The following BTD variants were observed in gnomAD, a reference collection of about 807,000 sequenced individuals.
The protein encoded by BTD is biotinidase, also known as biocytinase.
A neutral mutation model predicts 17.7 loss-of-function variants in BTD; 13 were observed. The observed-to-expected ratio is 0.74, with a 90% CI of 0.48 to 1.17. The LOEUF is 1.17. Ranked by LOEUF, BTD falls within the 50% of genes most tolerant of loss-of-function variation. The pLI, the probability that BTD is intolerant of heterozygous loss-of-function variation, is 0.00. For synonymous variants in BTD, 240 were observed against 245.2 expected, an observed-to-expected ratio of 0.98 and a Z score of 0.20; for missense variants, 674 against 650.4, an observed-to-expected ratio of 1.04 and a Z score of -0.39.
At chr3:15,687,797 A>G (rs886794026) in intron 3 of BTD, among the ~76,000 whole-genome samples, 6 of 152,162 alleles carry the variant, frequency 3.9e-5, no homozygotes, top group Non-Finnish European at 8.8e-5. Flanking sequence ...TTCAAGAAGA[A>G]CTTGTTTGGC....
At chr3:15,683,299 A>C (rs1280992351) in intron 3 of BTD, among the ~76,000 whole-genome samples, 3 of 152,198 alleles carry the variant, frequency 2.0e-5, no homozygotes, top group African/African-American at 7.2e-5. Context: ...CCACTATATT[A>C]GATATTTTGG....
chr3:15,679,526 T>C (rs2067299842), intron 3 of BTD: 1 of 1,613,400 alleles, frequency 6.2e-7, no homozygotes, highest in Admixed American at 1.7e-5. Flanking sequence ...TCTGGAAAAC[T>C]TCCTGTTCTA....
At chr3:15,695,733 T>C (rs1238083595) in intron 3 of BTD, among the ~76,000 whole-genome samples, 1 of 152,060 alleles carries the variant, frequency 6.6e-6, no homozygotes, top group Non-Finnish European at 1.5e-5. Flanking sequence ...TCTCCCTTGT[T>C]AGGAGGGGTT....
downstream of BTD, chr3:15,714,608 A>C (rs753157220): frequency 6.3e-7 from 1 of 1,598,898 alleles, no homozygotes; most frequent in Admixed American, 1.8e-5. Context: ...GATCGGGAGA[A>C]TCTACCGTGG....
At chr3:15,605,593 A>G (rs779537156) in intron 1 of BTD, among the ~76,000 whole-genome samples, 19 of 152,202 alleles carry the variant, frequency 1.2e-4, no homozygotes, top group Non-Finnish European at 1.6e-4. Flanking sequence ...TTAAAATGAC[A>G]TTTATTGAGA....
Position 15,641,941 on chromosome 3 carries a change from A to G in BTD, c.283A>G (p.Ile95Val), listed in dbSNP as rs1351648303. Residue 95 changes from isoleucine to valine, a missense_variant, in exon 3 of 4, where the codon ATT (isoleucine) becomes GTT (valine). Physicochemically the swap from Ile to Val is conservative, Grantham distance 29. Coordinates refer to ENST00000643237, the MANE Select transcript of BTD (RefSeq NM_001370658.1). ...VQIIVFPEDG[I>V]HGFNFTRTSI... is the part of the protein sequence containing the mutation. ...GATTATAGTGTTTCCAGAAGATGGCATTCATGGATTCAACTTTACAAGAAC... is the reference window on the plus strand; with the variant it reads ...GATTATAGTGTTTCCAGAAGATGGCGTTCATGGATTCAACTTTACAAGAAC... 2 of 1,613,782 alleles carry G rather than the reference A, an allele frequency of 1.2e-6. No homozygotes were observed. Among genetic ancestry groups the G allele is most frequent in the Non-Finnish European group, 1.7e-6 (2 of 1,179,774 alleles).
chr3:15,704,233 ATGAC>A (rs2071036975), intron 3 of BTD, among the ~76,000 whole-genome samples: 1 of 152,120 alleles, frequency 6.6e-6, no homozygotes. Context: ...GACTTGCTGA[ATGAC>A]TGTCTACCAA....
intron 2 of BTD, among the ~76,000 whole-genome samples, chr3:15,640,953 C>T (rs1326701194): frequency 6.6e-6 from 1 of 152,150 alleles, no homozygotes; most frequent in Non-Finnish European, 1.5e-5. Context: ...GTGTCTCAAA[C>T]TTTGCTAATT....
At chr3:15,626,780 C>CAAAAAA (rs374875165) in intron 1 of BTD, among the ~76,000 whole-genome samples, 8 of 94,878 alleles carry the variant, frequency 8.4e-5, no homozygotes, top group East Asian at 3.2e-4. Flanking sequence ...GACCCTGTCT[C>CAAAAAA]AAAAAAAAAA....
intron 1 of BTD, among the ~76,000 whole-genome samples, chr3:15,614,680 C>T (rs923334734): frequency 6.6e-6 from 1 of 151,394 alleles, no homozygotes. Context: ...TCACTGCCAC[C>T]TCCGCCTCTG....
rs149599429 is a variant in BTD at position 15,711,995 on chromosome 3, C to G, written c.*1921C>G. The G allele has an allele frequency of 8.4e-3, 5,605 of 665,932 alleles. 45 individuals are homozygous for G. The highest frequency in any genetic ancestry group is 0.012 in the Non-Finnish European group (4,553 of 381,458). 41.3% of individuals were successfully genotyped at this position (665,932 alleles called of 1,614,324 possible). A position where few individuals can be genotyped will look rare whatever the true frequency, so the allele number is the denominator to read the frequency against. On this transcript the variant is annotated 3_prime_UTR_variant, in exon 4 of 4. Coordinates refer to the BTD transcript ENST00000672141. ...ACAGGCATGAGCCACCACGCCAGAC[C>G]TGAACCCAACACGTTCTAAAAGGGG...
chr3:15,683,297 T>G (rs889158033), intron 3 of BTD, among the ~76,000 whole-genome samples: 1 of 152,214 alleles, frequency 6.6e-6, no homozygotes, highest in Non-Finnish European at 1.5e-5. Context: ...TCCCACTATA[T>G]TAGATATTTT....
At chr3:15,675,944 C>T in intron 3 of BTD, 2 of 1,613,116 alleles carry the variant, frequency 1.2e-6, no homozygotes, top group Non-Finnish European at 1.7e-6. Flanking sequence ...CCAAAAGTTC[C>T]TGAACCACCA....
At chr3:15,694,679 GTTA>G (rs1303656586) in intron 3 of BTD, 1 of 1,437,330 alleles carries the variant, frequency 7.0e-7, no homozygotes, top group Non-Finnish European at 9.8e-7. Flanking sequence ...ACACAAATAG[GTTA>G]TTAGATATTT....
chr3:15,615,580 A>T (rs900768377), intron 1 of BTD, among the ~76,000 whole-genome samples: 5 of 152,122 alleles, frequency 3.3e-5, no homozygotes. Context: ...ACTTGATTTT[A>T]GTTTTTATTT....
At chr3:15,627,966 C>G (rs939066143) in intron 1 of BTD, among the ~76,000 whole-genome samples, 1 of 152,214 alleles carries the variant, frequency 6.6e-6, no homozygotes, top group Admixed American at 6.5e-5. Flanking sequence ...AGGTGATCTA[C>G]CCACCTTGGC....
intron 3 of BTD, among the ~76,000 whole-genome samples, chr3:15,702,820 C>G (rs564969144): frequency 5.8e-4 from 88 of 151,996 alleles, no homozygotes; most frequent in Non-Finnish European, 1.0e-3. Context: ...CTTACCACCC[C>G]CCACCACCCC....
At chr3:15,631,361 AT>A in intron 1 of BTD, 1 of 1,064,136 alleles carries the variant, frequency 9.4e-7, no homozygotes, top group Non-Finnish European at 1.3e-6. Context: ...AGATTTTTTA[AT>A]GTATGTATCT....
At chr3:15,637,939 G>A (rs1035281315) in intron 2 of BTD, among the ~76,000 whole-genome samples, 3 of 152,194 alleles carry the variant, frequency 2.0e-5, no homozygotes, top group African/African-American at 7.2e-5. Flanking sequence ...TGTTTTCCAG[G>A]GGCCAGGATT....
Sources: allele counts gnomAD v4.1 joint callset (sites outside exome capture counted in the v4.1 genomes callset), GRCh38; gene constraint gnomAD v4.1.1; transcripts MANE v1.5; gene names NCBI Gene and HGNC (gene_info 2026-07-23, HGNC 2026-07-21).